The following SCN4A variants were observed in gnomAD, a reference collection of about 807,000 sequenced individuals.
SCN4A encodes sodium voltage-gated channel alpha subunit 4.
In SCN4A, 83 loss-of-function variants were observed where a neutral mutation model predicts 162.0. The ratio of observed to expected loss-of-function variants is 0.51; its 90% CI spans 0.43 to 0.61. SCN4A has a LOEUF of 0.61. SCN4A is among the 20% of genes least tolerant of loss of function. The probability of loss-of-function intolerance (pLI) is 0.00; values close to 1 mark genes in which losing one functional copy is unlikely to be tolerated. For synonymous variants in SCN4A, 944 were observed against 985.1 expected (o/e 0.96, Z 0.78); for missense variants, 2,196 against 2,462.5 (o/e 0.89, Z 2.29).
chr17:63,949,915 G>C (rs987783834), intron 14 of SCN4A, among the ~76,000 whole-genome samples: 3 of 152,134 alleles, frequency 2.0e-5, no homozygotes, highest in Non-Finnish European at 4.4e-5. Context: ...GATGGAGCCA[G>C]GCTATCACAG....
At chr17:63,942,081 C>T in intron 23 of SCN4A, 88 bp from the exon 24 acceptor site, 5 of 1,294,574 alleles carry the variant, frequency 3.9e-6, no homozygotes, top group Non-Finnish European at 5.2e-6. Context: ...GGGGGCCCGG[C>T]CTGGTGTGCT....
chr17:63,943,212 CAGAGAGAGAG>C (rs111745569), intron 22 of SCN4A, 116 bp from the exon 23 acceptor site: 9 of 369,738 alleles, frequency 2.4e-5, no homozygotes, highest in East Asian at 1.8e-4. Context: ...ACAGAGATGA[CAGAGAGAGAG>C]AGAGAGAGAG....
In SCN4A at chr17:63,971,799, G is replaced by T. The variant is rs748391981; in HGVS notation, c.534C>A (p.Ala178=). Residue 178 remains alanine, a synonymous_variant, in exon 4 of 24, where the codon GCC becomes GCA. Coordinates refer to ENST00000435607, the MANE Select transcript of SCN4A (RefSeq NM_000334.4). ...TGAAGTCGTCGACACAGAAGCCTCGGGCCAGTATCTTGATGAGGGACTCAA... is the reference window on the plus strand; with the variant it reads ...TGAAGTCGTCGACACAGAAGCCTCGTGCCAGTATCTTGATGAGGGACTCAA... ...YTFESLIKIL[A]RGFCVDDFTF... 6.2e-7 allele frequency: 1 copy of T among 1,613,658 alleles called. No individual in the cohort carries two copies. The highest frequency in any genetic ancestry group is 1.1e-5 in the South Asian group (1 of 91,026).
chr17:63,972,611 G>A lies in SCN4A; in HGVS notation c.231C>T (p.Gly77=), dbSNP rs958604296. ...IYGDPPPEVI[G]IPLEDLDPYY... The stretch of plus-strand genomic sequence containing the variant: ...AGGGATCCAGGTCCTCCAGGGGGAT[G>A]CCGATGACCTCCGGCGGGGGGTCTC... The change falls in exon 1 of 24, where the codon GGC becomes GGT. Residue 77 remains glycine (G), a synonymous_variant. Coordinates refer to ENST00000435607, the MANE Select transcript of SCN4A (RefSeq NM_000334.4). The surrounding 1 kb of genome is among the most constrained non-coding windows in gnomAD (Gnocchi z 4.3). 2 of 1,603,892 alleles carry A rather than the reference G, an allele frequency of 1.2e-6. No homozygotes were observed. Among genetic ancestry groups the A allele is most frequent in the Non-Finnish European group, 1.7e-6 (2 of 1,175,178 alleles).
rs759448596 is a variant in SCN4A, at chr17:63,941,194, G to A, written c.5088C>T (p.Ala1696=). Residue 1696 remains alanine (A), a synonymous_variant, in exon 24 of 24, where the codon GCC becomes GCT. Coordinates refer to ENST00000435607, the MANE Select transcript of SCN4A (RefSeq NM_000334.4). This position sits in a 1 kb window ranked among gnomAD's most constrained non-coding sequence, Gnocchi z 6.2. ...EVLGDSGEMD[A]LKQTMEEKFM... is the part of the protein sequence containing the mutation. ...ACTTCTCCTCCATGGTCTGCTTGAG[G>A]GCGTCCATTTCCCCAGAGTCACCCA... 6.2e-7 allele frequency: 1 copy of A among 1,613,804 alleles called. No individual in the cohort carries two copies. Among genetic ancestry groups the A allele is most frequent in the Non-Finnish European group, 8.5e-7 (1 of 1,179,836 alleles).
intron 8 of SCN4A, 142 bp from the exon 9 acceptor site, chr17:63,964,819 G>A: frequency 1.5e-6 from 1 of 655,992 alleles, no homozygotes; most frequent in South Asian, 1.9e-5. Context: ...GGCCGTCATT[G>A]GCATGCTGAG....
At chr17:63,960,258 C>T (rs773715187) in intron 11 of SCN4A, among the ~76,000 whole-genome samples, 14 of 152,338 alleles carry the variant, frequency 9.2e-5, no homozygotes, top group African/African-American at 2.6e-4. Flanking sequence ...GGTGGGCAAG[C>T]GGGCAGGCCC....
In SCN4A at chr17:63,944,697, G is replaced by C; in HGVS notation, c.3888C>G (p.Asp1296Glu). The change falls in exon 21 of 24, where the codon GAC becomes GAG. Residue 1296 changes from aspartate to glutamate, a missense_variant. Physicochemically the swap from Asp to Glu is conservative, Grantham distance 45 (BLOSUM62 2). Coordinates refer to ENST00000435607, the MANE Select transcript of SCN4A (RefSeq NM_000334.4). The surrounding 1 kb of genome is among the most constrained non-coding windows in gnomAD (Gnocchi z 4.3). The part of the protein sequence containing the change: ...TLNLFIGVII[D>E]NFNQQKKKLG... The stretch of plus-strand genomic sequence containing the variant: ...TCTTCTTCTTCTGCTGGTTGAAGTT[G>C]TCAATGATGACGCCAATGAAGAGGT... The C allele has an allele frequency of 1.9e-6, 3 of 1,609,628 alleles. No homozygotes were observed. The highest frequency in any genetic ancestry group is 2.5e-6 in the Non-Finnish European group (3 of 1,177,962).
intron 23 of SCN4A, among the ~76,000 whole-genome samples, chr17:63,942,498 T>G (rs1299495198): frequency 6.6e-6 from 1 of 152,214 alleles, no homozygotes; most frequent in Non-Finnish European, 1.5e-5. Context: ...GCAGCTACTT[T>G]CTATCATAAG....
chr17:63,962,113 T>C (rs1909283735), intron 10 of SCN4A, among the ~76,000 whole-genome samples: 2 of 152,012 alleles, frequency 1.3e-5, no homozygotes, highest in African/African-American at 4.8e-5. Flanking sequence ...CTCAGGGAGC[T>C]GGACAGGACG....
chr17:63,972,035 T>C lies in SCN4A; in HGVS notation c.482+101A>G. ...GTGTGGATGAGGGTCACAATGACAG[T>C]GTGTCTCCCTGAAAGACAAGAGCAG... On this transcript the variant is annotated intron_variant, in intron 3 of 23. Transcript: ENST00000435607. The surrounding 1 kb of genome is among the most constrained non-coding windows in gnomAD (Gnocchi z 4.3). 1 of 1,083,392 alleles carries C rather than the reference T, an allele frequency of 9.2e-7. No homozygotes were observed. The highest frequency in any genetic ancestry group is 1.4e-6 in the Non-Finnish European group (1 of 722,844). 67.1% of individuals were successfully genotyped at this position (1,083,392 alleles called of 1,614,324 possible).
intron 10 of SCN4A, 57 bp from the exon 11 acceptor site, chr17:63,961,488 G>A (rs1001530241): frequency 7.8e-7 from 1 of 1,275,842 alleles, no homozygotes; most frequent in African/African-American, 1.5e-5. Context: ...CGTGCCCCCG[G>A]CTCCAGCTAG....
At chr17:63,947,293 T>A in intron 17 of SCN4A, 126 bp from the exon 18 acceptor site, 1 of 1,247,090 alleles carries the variant, frequency 8.0e-7, no homozygotes, top group South Asian at 1.3e-5. Flanking sequence ...CCCTAGTGGG[T>A]GGTCCTGTCC....
rs774366267 is a variant in SCN4A, at chr17:63,951,523, G to C, written c.2754C>G (p.Pro918=). The C allele has an allele frequency of 6.2e-7, 1 of 1,614,022 alleles. No individual in the cohort carries two copies. Among genetic ancestry groups the C allele is most frequent in the Non-Finnish European group, 8.5e-7 (1 of 1,179,892 alleles). Residue 918 remains proline, a synonymous_variant, in exon 14 of 24, where the codon CCC becomes CCG. Coordinates refer to ENST00000435607, the MANE Select transcript of SCN4A (RefSeq NM_000334.4). This position sits in a 1 kb window ranked among gnomAD's most constrained non-coding sequence, Gnocchi z 4.5. ...CGATGGGCACCTGTATGGTCAGGTAGGGGTTGTTGATGAAGTTAAGGTGGT... is the reference window on the plus strand; with the variant it reads ...CGATGGGCACCTGTATGGTCAGGTACGGGTTGTTGATGAAGTTAAGGTGGT... The part of the protein sequence containing the change: ...ELDHLNFINN[P]YLTIQVPIAS...
chr17:63,941,081 A>C lies in SCN4A; in HGVS notation c.5201T>G (p.Ile1734Ser). 1 of 1,613,774 alleles carries C rather than the reference A, an allele frequency of 6.2e-7. No homozygotes were observed. The highest frequency in any genetic ancestry group is 1.1e-5 in the South Asian group (1 of 91,062). ...RKHEEVCAIKIQRAYRRHLLQ... is the reference protein window; with the variant it reads ...RKHEEVCAIKSQRAYRRHLLQ... The stretch of plus-strand genomic sequence containing the variant: ...CAGGTGCCGGCGGTAGGCCCTCTGG[A>C]TCTTGATGGCGCACACCTCCTCGTG... The change falls in exon 24 of 24, where the codon ATC (isoleucine) becomes AGC (serine). Residue 1734 changes from isoleucine (I) to serine (S), a missense_variant. Physicochemically the swap from Ile to Ser is moderately radical, Grantham distance 142. Coordinates refer to ENST00000435607, the MANE Select transcript of SCN4A (RefSeq NM_000334.4). This position sits in a 1 kb window ranked among gnomAD's most constrained non-coding sequence, Gnocchi z 6.2.
At chr17:63,965,239 T>G (rs1056790873) in intron 8 of SCN4A, among the ~76,000 whole-genome samples, 1 of 152,144 alleles carries the variant, frequency 6.6e-6, no homozygotes, top group Non-Finnish European at 1.5e-5. Context: ...GAGATGGGTT[T>G]CGCCATGCTG....
rs541264895 is a variant in SCN4A at position 63,954,443 on chromosome 17, G to C, written c.2377-2543C>G. ...AATTAGCTGCTCTCTGGGTCAGCAG[G>C]GTTTGCACACGGCTCCTGCCCAAGA... On this transcript the variant is annotated intron_variant, in intron 13 of 23. Transcript: ENST00000435607. Among the ~76,000 whole-genome samples, 66 of 152,252 alleles carry C rather than the reference G, an allele frequency of 4.3e-4. 1 individual carries two copies. The highest frequency in any genetic ancestry group is 1.5e-3 in the African/African-American group (63 of 41,528).
At position 63,945,689 on chromosome 17, in the gene SCN4A, G is replaced by A; in HGVS notation, c.3442-51C>T. The A allele has an allele frequency of 1.2e-6, 2 of 1,600,944 alleles. No individual in the cohort carries two copies. Among genetic ancestry groups the A allele is most frequent in the South Asian group, 2.2e-5 (2 of 90,782 alleles). The stretch of plus-strand genomic sequence containing the variant: ...GTGCCTCTCCCAGCCTCTGAGAGAG[G>A]GCTCCACATCTCTACGCCACCCAGG... On this transcript the variant is annotated intron_variant, in intron 18 of 23. Coordinates refer to ENST00000435607, the MANE Select transcript of SCN4A (RefSeq NM_000334.4). This position sits in a 1 kb window ranked among gnomAD's most constrained non-coding sequence, Gnocchi z 4.4.
chr17:63,971,179 G>T lies in SCN4A; in HGVS notation c.686C>A (p.Thr229Asn). 6.4e-7 allele frequency: 1 copy of T among 1,553,414 alleles called. No individual in the cohort carries two copies. The highest frequency in any genetic ancestry group is 8.7e-7 in the Non-Finnish European group (1 of 1,147,078). ...RTFRVLRALK[T>N]ITVIPGLKTI... ...CCCAGTACCTGGGATGACCGTGATGGTTTTGAGGGCCCGCAGCACCCGGAA... is the reference window on the plus strand; with the variant it reads ...CCCAGTACCTGGGATGACCGTGATGTTTTTGAGGGCCCGCAGCACCCGGAA... The change falls in exon 5 of 24, where the codon ACC (threonine) becomes AAC (asparagine). Residue 229 changes from threonine (T) to asparagine (N), a missense_variant. Transcript: ENST00000435607.
Sources: gnomAD v4.1 joint callset for allele counts (sites outside exome capture counted in the v4.1 genomes callset) on GRCh38, gnomAD v4.1.1 for gene constraint, Gnocchi (gnomAD v3.1) non-coding constraint, MANE v1.5 for transcripts, NCBI Gene and HGNC (gene_info 2026-07-23, HGNC 2026-07-21) for gene names.